GLRA3: variants seen among roughly 807,000 people sequenced by gnomAD.
The protein encoded by GLRA3 is glycine receptor alpha 3.
Under a neutral mutation model 60.4 loss-of-function variants are expected in GLRA3, and 44 were observed. That is an observed-to-expected ratio of 0.73 (90% CI 0.57 to 0.94). The LOEUF is 0.94. Ranked by LOEUF, GLRA3 falls within the 40% of genes least tolerant of loss-of-function variation. GLRA3 has a pLI of 0.00. For missense variants in GLRA3, 508 were observed against 564.6 expected (o/e 0.90, Z 1.02); for synonymous variants, 223 against 192.9 (o/e 1.16, Z -1.29).
At chr4:174,658,990 T>C (rs1733319412) in intron 8 of GLRA3, 64 bp downstream of exon 8, 6 of 1,391,534 alleles carry the variant, frequency 4.3e-6, no homozygotes, top group East Asian at 2.3e-5. Context: ...CTCTATTAAA[T>C]ACAACAAATT....
intron 1 of GLRA3, among the ~76,000 whole-genome samples, chr4:174,808,858 A>G (rs1171443579): frequency 6.6e-6 from 1 of 152,220 alleles, no homozygotes. Context: ...AATACATTTT[A>G]TAAGCTGTAA....
chr4:174,711,442 TA>T (rs1157103615), intron 5 of GLRA3, among the ~76,000 whole-genome samples: 1 of 107,986 alleles, frequency 9.3e-6, no homozygotes, highest in African/African-American at 2.9e-5. Context: ...TATATATATA[TA>T]TATTTTTTTT....
intron 3 of GLRA3, among the ~76,000 whole-genome samples, chr4:174,736,298 A>T (rs1210913650): frequency 2.0e-5 from 3 of 151,994 alleles, no homozygotes; most frequent in African/African-American, 7.3e-5. Flanking sequence ...AATTTTAAAA[A>T]TTTAAAAATT....
At position 174,734,959 on chromosome 4, in the gene GLRA3, G is replaced by A. The variant is rs563517130; in HGVS notation, c.268-6261C>T. Among the ~76,000 whole-genome samples the A allele has an allele frequency of 2.0e-5, 3 of 152,302 alleles. No homozygotes were observed. In the South Asian group the frequency reaches 6.2e-4, roughly 32 times the overall value. ...AGGTGTAAACACCTACAAAGGGCCAGTACTCCTAGTAGCTGCTTGCTGTCA... is the reference window on the plus strand; with the variant it reads ...AGGTGTAAACACCTACAAAGGGCCAATACTCCTAGTAGCTGCTTGCTGTCA... On this transcript the variant is annotated intron_variant, in intron 3 of 9. Coordinates refer to ENST00000274093, the MANE Select transcript of GLRA3 (RefSeq NM_006529.4).
chr4:174,720,349 A>C (rs1212831008), intron 4 of GLRA3, among the ~76,000 whole-genome samples: 2 of 152,194 alleles, frequency 1.3e-5, no homozygotes, highest in Non-Finnish European at 2.9e-5. Flanking sequence ...TTTTCTTTAA[A>C]GGTAAAAATA....
At chr4:174,749,594 G>T (rs1405526987) in intron 3 of GLRA3, among the ~76,000 whole-genome samples, 1 of 152,116 alleles carries the variant, frequency 6.6e-6, no homozygotes, top group Non-Finnish European at 1.5e-5. Flanking sequence ...TAATGTCACA[G>T]GCATGAGGGA....
intron 3 of GLRA3, among the ~76,000 whole-genome samples, chr4:174,756,724 A>G (rs1010471407): frequency 6.7e-6 from 1 of 150,182 alleles, no homozygotes; most frequent in Non-Finnish European, 1.5e-5. Context: ...AGCTCACTGC[A>G]AGCTCCGCCT....
chr4:174,793,884 A>T (rs1198895524), intron 1 of GLRA3, among the ~76,000 whole-genome samples: 1 of 151,974 alleles, frequency 6.6e-6, no homozygotes, highest in African/African-American at 2.4e-5. Context: ...CACAATAAAG[A>T]AAAAATAAAA....
chr4:174,667,269 T>C (rs1733714099), intron 7 of GLRA3, among the ~76,000 whole-genome samples: 1 of 152,082 alleles, frequency 6.6e-6, no homozygotes, highest in Admixed American at 6.6e-5. Context: ...GAAAGTGGCC[T>C]TCGTGGCACA....
At chr4:174,767,585 A>T (rs970031173) in intron 2 of GLRA3, among the ~76,000 whole-genome samples, 10 of 152,146 alleles carry the variant, frequency 6.6e-5, no homozygotes, top group Admixed American at 2.6e-4. Context: ...GTGCACAGCC[A>T]GTGAAATCTC....
At chr4:174,685,749 T>C (rs972310633) in intron 5 of GLRA3, among the ~76,000 whole-genome samples, 7 of 152,104 alleles carry the variant, frequency 4.6e-5, no homozygotes, top group African/African-American at 1.7e-4. Flanking sequence ...AGATGCACAT[T>C]TCTCAATGAT....
intron 3 of GLRA3, among the ~76,000 whole-genome samples, chr4:174,761,891 A>G (rs1050977092): frequency 6.6e-6 from 1 of 152,188 alleles, no homozygotes; most frequent in South Asian, 2.1e-4. Context: ...TTGAATAAAA[A>G]GTTAGGAAAA....
At chr4:174,679,446 A>G (rs1252408583) in intron 6 of GLRA3, among the ~76,000 whole-genome samples, 1 of 152,216 alleles carries the variant, frequency 6.6e-6, no homozygotes, top group Non-Finnish European at 1.5e-5. Context: ...CTTGTACACC[A>G]TTGGTGGGAA....
intron 3 of GLRA3, among the ~76,000 whole-genome samples, chr4:174,759,300 A>ACATGAAT (rs1188840348): frequency 6.7e-6 from 1 of 148,822 alleles, no homozygotes; most frequent in East Asian, 2.0e-4. Flanking sequence ...TCATGTTCTT[A>ACATGAAT]TGTATTGACA....
In GLRA3 at chr4:174,816,213, G is replaced by C. The variant is rs76268501; in HGVS notation, c.71+12528C>G. ...CATCTGCATGCCCCAGTGGGTTATA[G>C]GTTTGCTGTGTTTTCCATAGCTCAG... is the stretch of plus-strand genomic sequence containing the variant. On this transcript the variant is annotated intron_variant, in intron 1 of 9. Coordinates refer to ENST00000274093, the MANE Select transcript of GLRA3 (RefSeq NM_006529.4). Among the ~76,000 whole-genome samples the C allele has an allele frequency of 9.4e-3, 1,439 of 152,286 alleles. 22 individuals carry two copies. The highest frequency in any genetic ancestry group is 0.032 in the African/African-American group (1,341 of 41,554).
intron 1 of GLRA3, among the ~76,000 whole-genome samples, chr4:174,823,034 G>A (rs574225652): frequency 6.6e-6 from 1 of 152,288 alleles, no homozygotes; most frequent in Admixed American, 6.5e-5. Context: ...TTGCCATGCA[G>A]TTGTTAGAAT....
At chr4:174,786,073 T>C (rs1739119778) in intron 2 of GLRA3, among the ~76,000 whole-genome samples, 1 of 151,478 alleles carries the variant, frequency 6.6e-6, no homozygotes, top group South Asian at 2.1e-4. Flanking sequence ...TCTTTTAAAA[T>C]TATTTTAGCT....
At chr4:174,822,403 G>A (rs1740774698) in intron 1 of GLRA3, among the ~76,000 whole-genome samples, 1 of 152,042 alleles carries the variant, frequency 6.6e-6, no homozygotes, top group African/African-American at 2.4e-5. Flanking sequence ...AAAGAACACA[G>A]AAACAAACAT....
chr4:174,808,143 A>G (rs1160481452), intron 1 of GLRA3, among the ~76,000 whole-genome samples: 1 of 152,146 alleles, frequency 6.6e-6, no homozygotes, highest in Admixed American at 6.6e-5. Flanking sequence ...TAAATATTTG[A>G]AAAAGCACTT....
Sources: allele counts gnomAD v4.1 joint callset (sites outside exome capture counted in the v4.1 genomes callset), GRCh38; gene constraint gnomAD v4.1.1; transcripts MANE v1.5; gene names NCBI Gene and HGNC (gene_info 2026-07-23, HGNC 2026-07-21).